SCGB2B2: variants seen among roughly 807,000 people sequenced by gnomAD.
The protein encoded by SCGB2B2 is secretoglobin-like protein.
Under a neutral mutation model 7.6 loss-of-function variants are expected in SCGB2B2, and 11 were observed. The ratio of observed to expected loss-of-function variants is 1.45; its 90% confidence interval spans 0.91 to 2.40. The LOEUF (loss-of-function observed/expected upper bound fraction) is 2.40. SCGB2B2 is among the 30% of genes most tolerant of loss of function. The pLI, the probability that SCGB2B2 is intolerant of heterozygous loss-of-function variation, is 0.00. For synonymous variants in SCGB2B2, 50 were observed against 48.6 expected (o/e 1.03, Z -0.12); for missense variants, 104 against 115.4 (o/e 0.90, Z 0.45).
At chr19:34,642,607 T>G (rs969306100) in intron 1 of SCGB2B2, among the ~76,000 whole-genome samples, 1 of 150,390 alleles carries the variant, frequency 6.6e-6, no homozygotes, top group South Asian at 2.1e-4. Flanking sequence ...TCCCAGCTAC[T>G]TGAGAGGCTG....
intron 1 of SCGB2B2, among the ~76,000 whole-genome samples, chr19:34,645,110 C>T (rs539055557): frequency 3.9e-5 from 6 of 152,308 alleles, no homozygotes; most frequent in African/African-American, 1.4e-4. Context: ...CACACACGAA[C>T]CCAGATGTCT....
intron 1 of SCGB2B2, among the ~76,000 whole-genome samples, chr19:34,613,602 T>C (rs1021595691): frequency 2.0e-5 from 3 of 150,278 alleles, no homozygotes; most frequent in Admixed American, 6.6e-5. Flanking sequence ...GAGTGTTGTG[T>C]ATATCCTTTG....
intron 1 of SCGB2B2, among the ~76,000 whole-genome samples, chr19:34,624,800 C>T (rs2066325638): frequency 6.6e-6 from 1 of 152,086 alleles, no homozygotes; most frequent in Non-Finnish European, 1.5e-5. Flanking sequence ...TTCCCAACAC[C>T]CAAGAGTGAT....
intron 1 of SCGB2B2, among the ~76,000 whole-genome samples, chr19:34,609,661 T>C (rs1485566053): frequency 6.6e-6 from 1 of 152,144 alleles, no homozygotes; most frequent in African/African-American, 2.4e-5. Context: ...GTTGTCTATT[T>C]AGTTCCATTG....
chr19:34,613,519 G>A (rs769333826), intron 1 of SCGB2B2, among the ~76,000 whole-genome samples: 3 of 152,180 alleles, frequency 2.0e-5, no homozygotes, highest in Non-Finnish European at 4.4e-5. Flanking sequence ...TTTAAGTGGG[G>A]AATTTAGTCT....
chr19:34,637,394 C>T (rs2066712379), intron 1 of SCGB2B2, among the ~76,000 whole-genome samples: 1 of 152,142 alleles, frequency 6.6e-6, no homozygotes, highest in Non-Finnish European at 1.5e-5. Context: ...CACAGCCTGG[C>T]TGTGGGAAGG....
intron 1 of SCGB2B2, among the ~76,000 whole-genome samples, chr19:34,656,930 C>T (rs886816803): frequency 1.1e-4 from 17 of 151,108 alleles, no homozygotes; most frequent in Admixed American, 1.0e-3. Flanking sequence ...TGCTATCTAA[C>T]ATTGTACTAG....
chr19:34,602,104 A>G (rs776634931), intron 1 of SCGB2B2, among the ~76,000 whole-genome samples: 6 of 152,296 alleles, frequency 3.9e-5, no homozygotes, highest in Admixed American at 2.6e-4. Context: ...TGTTAGATTA[A>G]GGATATATTA....
intron 1 of SCGB2B2, among the ~76,000 whole-genome samples, chr19:34,610,492 C>A (rs1035714825): frequency 6.6e-6 from 1 of 152,038 alleles, no homozygotes; most frequent in African/African-American, 2.4e-5. Context: ...TTTCTATACC[C>A]GGTTTGTTAA....
intron 1 of SCGB2B2, among the ~76,000 whole-genome samples, chr19:34,604,163 A>C (rs2065712454): frequency 6.6e-6 from 1 of 151,962 alleles, no homozygotes; most frequent in Admixed American, 6.6e-5. Context: ...TCCATACATC[A>C]CTCACTGCCC....
chr19:34,658,527 T>C (rs1277568185), intron 1 of SCGB2B2, among the ~76,000 whole-genome samples: 1 of 152,048 alleles, frequency 6.6e-6, no homozygotes, highest in East Asian at 1.9e-4. Context: ...CCTGGACACA[T>C]ACGCTCTCCC....
At chr19:34,637,240 A>G (rs2066708208) in intron 1 of SCGB2B2, among the ~76,000 whole-genome samples, 1 of 152,162 alleles carries the variant, frequency 6.6e-6, no homozygotes, top group African/African-American at 2.4e-5. Context: ...GTTCACTGCA[A>G]GACTCCTGGC....
In SCGB2B2 at chr19:34,661,331, A is replaced by G. The variant is rs1245576906; in HGVS notation, c.-2032+14299T>C. ...AAAAAAAAGAAATACATATGTAAAA[A>G]ATTATTGTGATAAAATAAGGGAGAC... On this transcript the variant is annotated intron_variant, in intron 1 of 3. Coordinates refer to ENST00000601241, the MANE Select transcript of SCGB2B2 (RefSeq NM_001025591.4). 5.9e-5 allele frequency among the ~76,000 whole-genome samples: 9 copies of G among 152,306 alleles called. No homozygotes were observed. The South Asian group carries it at 8.3e-4, about 14-fold the overall frequency.
intron 1 of SCGB2B2, among the ~76,000 whole-genome samples, chr19:34,618,583 G>A (rs940598847): frequency 6.6e-6 from 1 of 151,990 alleles, no homozygotes; most frequent in African/African-American, 2.4e-5. Context: ...ACTCTTTTAG[G>A]TTAGGACAAT....
At chr19:34,661,486 C>A (rs11667547) in intron 1 of SCGB2B2, among the ~76,000 whole-genome samples, 45,560 of 152,044 alleles carry the variant, frequency 0.3, 7,569 homozygotes, top group Non-Finnish European at 0.37. Context: ...CCAAAACCAG[C>A]AAAGACATTC....
In SCGB2B2 at chr19:34,609,381, AT is replaced by A. The variant is rs2065870941; in HGVS notation, c.-2031-12788del. Among the ~76,000 whole-genome samples, 11 of 152,080 alleles carry A rather than the reference AT, an allele frequency of 7.2e-5. No individual in the cohort carries two copies. In the South Asian group the frequency reaches 2.1e-3, roughly 29 times the overall value. On this transcript the variant is annotated intron_variant, in intron 1 of 3. Coordinates refer to ENST00000601241, the MANE Select transcript of SCGB2B2 (RefSeq NM_001025591.4). ...TGTTTGTGCTTTTGAGGTTTTCTCT[AT>A]AAAATCTTTGCCAAGACCAATGTCC...
intron 1 of SCGB2B2, among the ~76,000 whole-genome samples, chr19:34,673,734 A>G (rs1482606871): frequency 1.3e-5 from 2 of 152,206 alleles, no homozygotes; most frequent in Non-Finnish European, 2.9e-5. Flanking sequence ...ATATATTGTT[A>G]CGGGTATTGG....
chr19:34,614,308 A>ATATC (rs2066011642), intron 1 of SCGB2B2, among the ~76,000 whole-genome samples: 1 of 151,304 alleles, frequency 6.6e-6, no homozygotes, highest in African/African-American at 2.4e-5. Flanking sequence ...TTTCACTCTT[A>ATATC]TATCTTAATT....
At chr19:34,615,193 AC>A (rs2066037281) in intron 1 of SCGB2B2, among the ~76,000 whole-genome samples, 12 of 152,182 alleles carry the variant, frequency 7.9e-5, no homozygotes, top group Admixed American at 7.9e-4. Context: ...TGTATGGGCC[AC>A]AGGGAGCAGG....
Sources: gnomAD v4.1 joint callset for allele counts (sites outside exome capture counted in the v4.1 genomes callset) on GRCh38, gnomAD v4.1.1 for gene constraint, MANE v1.5 for transcripts, NCBI Gene and HGNC (gene_info 2026-07-23, HGNC 2026-07-21) for gene names.